SNX24: variants seen among roughly 807,000 people sequenced by gnomAD.
SNX24 encodes the protein sorting nexin 24, also known as sorting nexin-24.
Under a neutral mutation model 28.7 loss-of-function variants are expected in SNX24, and 22 were observed. The ratio of observed to expected loss-of-function variants is 0.77; its 90% CI spans 0.55 to 1.10. The LOEUF is 1.10. Among genes scored for constraint, SNX24 ranks in the 50% least tolerant of loss-of-function variants. SNX24 has a pLI of 0.00. For missense variants in SNX24, 221 were observed against 201.1 expected, an observed-to-expected ratio of 1.10 and a Z score of -0.60; for synonymous variants, 69 against 71.5, an observed-to-expected ratio of 0.96 and a Z score of 0.18.
chr5:122,975,496 T>C (rs1414029214), intron 3 of SNX24, among the ~76,000 whole-genome samples: 1 of 152,206 alleles, frequency 6.6e-6, no homozygotes, highest in East Asian at 1.9e-4. Context: ...TCTGTATTAC[T>C]TGATATATTT....
At chr5:123,026,017 C>T in intron 5 of SNX24, 1 of 1,501,812 alleles carries the variant, frequency 6.7e-7, no homozygotes, top group African/African-American at 1.4e-5. Context: ...CAAAAGTCAG[C>T]TCTTCAAAGG....
intron 1 of SNX24, among the ~76,000 whole-genome samples, chr5:122,925,418 C>G (rs1328479836): frequency 1.3e-5 from 2 of 151,016 alleles, no homozygotes; most frequent in Non-Finnish European, 2.9e-5. Flanking sequence ...TGCCACCATA[C>G]CCAGCTAATT....
intron 3 of SNX24, among the ~76,000 whole-genome samples, chr5:122,963,550 C>G (rs1012138974): frequency 9.9e-5 from 15 of 152,156 alleles, no homozygotes; most frequent in African/African-American, 3.6e-4. Flanking sequence ...TTTAAGGTGG[C>G]TGTGGGCTCT....
At chr5:122,954,083 G>C (rs1394581935) in intron 3 of SNX24, among the ~76,000 whole-genome samples, 3 of 152,072 alleles carry the variant, frequency 2.0e-5, no homozygotes, top group Admixed American at 2.0e-4. Context: ...GTGGGTCAAA[G>C]AGTATTGTAT....
intron 5 of SNX24, among the ~76,000 whole-genome samples, chr5:123,022,040 A>G (rs1484297305): frequency 6.6e-6 from 1 of 151,732 alleles, no homozygotes; most frequent in East Asian, 1.9e-4. Context: ...AGACATGGGC[A>G]TATTTTTTTT....
At chr5:122,849,610 G>A (rs1255994071) in intron 1 of SNX24, among the ~76,000 whole-genome samples, 3 of 152,040 alleles carry the variant, frequency 2.0e-5, no homozygotes, top group African/African-American at 7.2e-5. Context: ...GGGGGGGGAG[G>A]GGCACCTCTA....
intron 1 of SNX24, among the ~76,000 whole-genome samples, chr5:122,894,963 C>T (rs986439994): frequency 6.7e-6 from 1 of 149,062 alleles, no homozygotes; most frequent in Admixed American, 6.7e-5. Context: ...TATTGAGCTA[C>T]AAATGCTAAG....
At chr5:122,849,554 A>T (rs921897830) in intron 1 of SNX24, among the ~76,000 whole-genome samples, 2 of 152,120 alleles carry the variant, frequency 1.3e-5, no homozygotes, top group Non-Finnish European at 2.9e-5. Flanking sequence ...AATACAGGAC[A>T]AAATCTTATA....
At chr5:123,028,592 C>T (rs1561750219) in intron 5 of SNX24, 1 of 471,104 alleles carries the variant, frequency 2.1e-6, no homozygotes, top group Non-Finnish European at 3.8e-6. Flanking sequence ...AATAAGGACG[C>T]CTCCCTCATA....
chr5:122,855,352 G>C (rs1425123660), intron 1 of SNX24, among the ~76,000 whole-genome samples: 1 of 152,196 alleles, frequency 6.6e-6, no homozygotes, highest in African/African-American at 2.4e-5. Context: ...ACAGGCATGA[G>C]CCACCACGCC....
At chr5:122,872,584 A>G (rs1234040695) in intron 1 of SNX24, among the ~76,000 whole-genome samples, 3 of 152,192 alleles carry the variant, frequency 2.0e-5, no homozygotes, top group Non-Finnish European at 1.5e-5. Flanking sequence ...CATATAAACT[A>G]TGCACATTCT....
intron 1 of SNX24, among the ~76,000 whole-genome samples, chr5:122,906,946 G>C (rs1381972521): frequency 6.6e-6 from 1 of 152,202 alleles, no homozygotes; most frequent in Non-Finnish European, 1.5e-5. Context: ...AGCTTACTCT[G>C]CTTGTGTTCT....
chr5:122,971,509 C>T (rs182524336), intron 3 of SNX24, among the ~76,000 whole-genome samples: 1 of 152,266 alleles, frequency 6.6e-6, no homozygotes, highest in Non-Finnish European at 1.5e-5. Flanking sequence ...CATACTTAAT[C>T]TTCAAATAAA....
intron 5 of SNX24, chr5:123,022,348 G>T (rs1301456154): frequency 6.6e-6 from 1 of 152,200 alleles, no homozygotes; most frequent in Non-Finnish European, 1.5e-5. Flanking sequence ...TTGAGTCCTG[G>T]AGGAGAAGCA....
intron 1 of SNX24, among the ~76,000 whole-genome samples, chr5:122,921,987 C>G (rs1039610344): frequency 6.6e-6 from 1 of 152,066 alleles, no homozygotes; most frequent in Non-Finnish European, 1.5e-5. Context: ...CTTTTTCTCT[C>G]TCTCTCTTTA....
At chr5:122,931,305 T>G (rs894303114) in intron 1 of SNX24, among the ~76,000 whole-genome samples, 2 of 152,172 alleles carry the variant, frequency 1.3e-5, no homozygotes, top group South Asian at 4.1e-4. Flanking sequence ...GTAAATGTAC[T>G]TAGAAATCGA....
At chr5:122,854,012 A>G (rs1333789306) in intron 1 of SNX24, among the ~76,000 whole-genome samples, 2 of 97,496 alleles carry the variant, frequency 2.1e-5, no homozygotes, top group African/African-American at 9.0e-5. Flanking sequence ...AACACACTGC[A>G]TCGAGTTTAT....
At chr5:122,940,825 G>A (rs1368004793) in intron 2 of SNX24, among the ~76,000 whole-genome samples, 1 of 152,068 alleles carries the variant, frequency 6.6e-6, no homozygotes, top group Middle Eastern at 3.2e-3. Flanking sequence ...CACCTGCCTT[G>A]GCCTCCCAAA....
chr5:123,029,135 G>T (rs1252747349), intron 5 of SNX24: 8 of 1,272,662 alleles, frequency 6.3e-6, no homozygotes, highest in Admixed American at 2.4e-5. Flanking sequence ...ATTTCCAGAA[G>T]CCTAAGGGCA....
Sources: gnomAD v4.1 joint callset for allele counts (sites outside exome capture counted in the v4.1 genomes callset) on GRCh38, gnomAD v4.1.1 for gene constraint, MANE v1.5 for transcripts, NCBI Gene and HGNC (gene_info 2026-07-23, HGNC 2026-07-21) for gene names.